The following BTN3A3 variants were observed in gnomAD, a reference collection of about 807,000 sequenced individuals.
BTN3A3 encodes butyrophilin 3.
A neutral mutation model predicts 43.2 loss-of-function variants in BTN3A3; 39 were observed. The ratio of observed to expected loss-of-function variants is 0.90; its 90% CI spans 0.70 to 1.18. The LOEUF is 1.18. Ranked by LOEUF, BTN3A3 falls within the 50% of genes most tolerant of loss-of-function variation. The pLI, the probability that BTN3A3 is intolerant of heterozygous loss-of-function variation, is 0.00. For missense variants in BTN3A3, 631 were observed against 722.8 expected (o/e 0.87, Z 1.46); for synonymous variants, 255 against 272.7 (o/e 0.93, Z 0.64).
chr6:26,448,877 C>A (rs2113841386), intron 8 of BTN3A3, 123 bp downstream of exon 8: 2 of 1,183,396 alleles, frequency 1.7e-6, no homozygotes, highest in Non-Finnish European at 2.5e-6. Flanking sequence ...TCCCTTTACT[C>A]AGGAAAAGAA....
chr6:26,448,924 A>C (rs1762855186), intron 8 of BTN3A3, among the ~76,000 whole-genome samples, 170 bp downstream of exon 8: 2 of 151,968 alleles, frequency 1.3e-5, no homozygotes, highest in South Asian at 4.1e-4. Flanking sequence ...ACCCAGAAGG[A>C]GTCTCTCTCT....
At position 26,452,432 on chromosome 6, in the gene BTN3A3, A is replaced by G. The variant is rs1248323911; in HGVS notation, c.*21A>G. The G allele has an allele frequency of 3.8e-6, 6 of 1,566,064 alleles. No individual in the cohort carries two copies. The highest frequency in any genetic ancestry group is 1.2e-5 in the South Asian group (1 of 86,580). On this transcript the variant is annotated 3_prime_UTR_variant, in exon 11 of 11. Transcript: ENST00000244519. The stretch of plus-strand genomic sequence containing the variant: ...ACTGATATTCATTCCATTATTCCAT[A>G]TGACAGTTGTTTTGAGTTTCGTACC...
At chr6:26,451,374 G>T (rs1349865646) in intron 10 of BTN3A3, among the ~76,000 whole-genome samples, 1 of 152,160 alleles carries the variant, frequency 6.6e-6, no homozygotes, top group South Asian at 2.1e-4. Context: ...AAGGCATTAG[G>T]GGGCAGAGTC....
intron 1 of BTN3A3, 116 bp from the exon 2 acceptor site, chr6:26,443,266 G>A (rs1186462897): frequency 6.1e-6 from 2 of 325,754 alleles, no homozygotes; most frequent in Non-Finnish European, 1.1e-5. Flanking sequence ...GGGGATGATG[G>A]AAGCTTGGAC....
At position 26,453,192 on chromosome 6, in the gene BTN3A3, A is replaced by G. The variant is rs1216277611; in HGVS notation, c.*781A>G. The G allele has an allele frequency of 1.3e-5, 2 of 152,156 alleles. No homozygotes were observed. Among genetic ancestry groups the G allele is most frequent in the African/African-American group, 4.8e-5 (2 of 41,420 alleles). The allele number at this position is 152,156 out of a possible 1,614,324, so 9.4% of individuals were successfully genotyped here. A position where few individuals can be genotyped will look rare whatever the true frequency, so the allele number is the denominator to read the frequency against. On this transcript the variant is annotated 3_prime_UTR_variant, in exon 11 of 11. Transcript: ENST00000244519. The stretch of plus-strand genomic sequence containing the variant: ...AATTTGGATCAAGGAAGCTAAAAGA[A>G]TTACAGGGATGTTTTTAATCCCACT...
At position 26,451,524 on chromosome 6, in the gene BTN3A3, A is replaced by G. The variant is rs1762929116; in HGVS notation, c.1019-151A>G. 2.8e-6 allele frequency: 4 copies of G among 1,434,188 alleles called. No homozygotes were observed. The East Asian group carries it at 9.9e-5, about 35-fold the overall frequency. The allele number at this position is 1,434,188 out of a possible 1,614,324, so 88.8% of individuals were successfully genotyped here. A position where few individuals can be genotyped will look rare whatever the true frequency, so the allele number is the denominator to read the frequency against. On this transcript the variant is annotated intron_variant, in intron 10 of 10. Coordinates refer to ENST00000244519, the MANE Select transcript of BTN3A3 (RefSeq NM_006994.5). ...CACAAGACCCCTTGAGCTTTCTCCC[A>G]TGACATTGATGAGAGAGTCATATTT...
Position 26,451,822 on chromosome 6 carries a change from A to G in BTN3A3, c.1166A>G (p.Asn389Ser), listed in dbSNP as rs1358273310. Residue 389 changes from asparagine (N) to serine (S), a missense_variant, in exon 11 of 11, where the codon AAC becomes AGC. Physicochemically the swap from Asn to Ser is conservative, Grantham distance 46 (BLOSUM62 1). This residue lies in a region of BTN3A3 where 551 missense variants were observed against 584.0 expected (regional missense o/e 0.94). Coordinates refer to ENST00000244519, the MANE Select transcript of BTN3A3 (RefSeq NM_006994.5). ...EWRYCVLGCE[N>S]FTSGRHYWEV... ...CGTTACTGTGTCCTTGGCTGTGAAA[A>G]CTTCACATCAGGGAGACATTACTGG... The G allele has an allele frequency of 6.2e-6, 10 of 1,613,872 alleles. No individual in the cohort carries two copies. Among genetic ancestry groups the G allele is most frequent in the African/African-American group, 2.7e-5 (2 of 74,898 alleles).
intron 1 of BTN3A3, among the ~76,000 whole-genome samples, chr6:26,442,939 C>T (rs905866847): frequency 6.6e-6 from 1 of 152,216 alleles, no homozygotes; most frequent in African/African-American, 2.4e-5. Context: ...AGGCCTCACC[C>T]ATTGTGGGTG....
chr6:26,448,571 C>G, intron 6 of BTN3A3, 46 bp from the exon 7 acceptor site: 1 of 1,613,574 alleles, frequency 6.2e-7, no homozygotes, highest in Non-Finnish European at 8.5e-7. Context: ...ACCCCCCTTA[C>G]CCATAACTGT....
intron 9 of BTN3A3, 118 bp downstream of exon 9, chr6:26,449,806 C>A: frequency 3.0e-6 from 4 of 1,312,016 alleles, no homozygotes; most frequent in Non-Finnish European, 4.3e-6. Flanking sequence ...AACCCTTAGA[C>A]TCAATTTTGC....
intron 10 of BTN3A3, among the ~76,000 whole-genome samples, chr6:26,450,460 T>G (rs1426983487): frequency 6.6e-6 from 1 of 151,942 alleles, no homozygotes; most frequent in Non-Finnish European, 1.5e-5. Context: ...GGAGAGGAGG[T>G]GATGCCTGCC....
chr6:26,447,152 C>A (rs1762801935), intron 5 of BTN3A3, among the ~76,000 whole-genome samples: 1 of 152,162 alleles, frequency 6.6e-6, no homozygotes, highest in African/African-American at 2.4e-5. Context: ...AGAGATAATT[C>A]TCTCTACACT....
intron 1 of BTN3A3, 36 bp downstream of exon 1, chr6:26,440,684 A>C (rs1762600321): frequency 6.6e-6 from 1 of 152,414 alleles, no homozygotes; most frequent in Non-Finnish European, 1.5e-5. Context: ...CTGGGCTACA[A>C]TGCCTGGGAG....
rs761897763 is a variant in BTN3A3, at chr6:26,444,030, C to T, written c.159C>T (p.His53=). The change falls in exon 4 of 11, where the codon CAC becomes CAT. Residue 53 remains histidine (H), a synonymous_variant. Transcript: ENST00000244519. ...GTGAAGACGCTGATCTGCCCTGTCA[C>T]CTGTTCCCGACCATGAGTGCAGAGA... The part of the protein sequence containing the change: ...MVGEDADLPC[H]LFPTMSAETM... The T allele has an allele frequency of 8.1e-6, 13 of 1,613,976 alleles. No individual in the cohort carries two copies. In the South Asian group the frequency reaches 1.4e-4, roughly 18 times the overall value.
chr6:26,452,718 A>C lies in BTN3A3; in HGVS notation c.*307A>C. ...AGGGCAACATGAAGTAACTTACATA[A>C]CTCATACAGTAATTTGTGCAGTTGG... On this transcript the variant is annotated 3_prime_UTR_variant, in exon 11 of 11. Coordinates refer to ENST00000244519, the MANE Select transcript of BTN3A3 (RefSeq NM_006994.5). 2 of 308,612 alleles carry C rather than the reference A, an allele frequency of 6.5e-6. No homozygotes were observed. Among genetic ancestry groups the C allele is most frequent in the African/African-American group, 2.1e-5 (1 of 46,738 alleles). 19.1% of individuals were successfully genotyped at this position (308,612 alleles called of 1,614,324 possible).
At chr6:26,444,527 T>A in intron 4 of BTN3A3, 1 of 698,564 alleles carries the variant, frequency 1.4e-6, no homozygotes, top group East Asian at 2.7e-5. Context: ...TCCCTCCCTC[T>A]GACAACCAGA....
chr6:26,447,937 A>C (rs1218536231), intron 5 of BTN3A3, among the ~76,000 whole-genome samples: 2 of 152,202 alleles, frequency 1.3e-5, no homozygotes. Flanking sequence ...CTTTATGTAC[A>C]TGAAGTTTTT....
chr6:26,451,562 G>A, intron 10 of BTN3A3, 113 bp from the exon 11 acceptor site: 1 of 1,489,840 alleles, frequency 6.7e-7, no homozygotes, highest in Non-Finnish European at 8.9e-7. Flanking sequence ...AGCAGGCTAG[G>A]GACGCCAGGT....
intron 7 of BTN3A3, 24 bp from the exon 8 acceptor site, chr6:26,448,704 C>G: frequency 6.2e-7 from 1 of 1,614,046 alleles, no homozygotes; most frequent in Non-Finnish European, 8.5e-7. Flanking sequence ...CCTTGATAAC[C>G]CTTCCCTATT....
Sources: gnomAD v4.1 joint callset for allele counts (sites outside exome capture counted in the v4.1 genomes callset) on GRCh38, gnomAD v4.1.1 for gene constraint, gnomAD v4.1.1 regional missense constraint, MANE v1.5 for transcripts, NCBI Gene and HGNC (gene_info 2026-07-23, HGNC 2026-07-21) for gene names.